CDH13: variants seen among roughly 807,000 people sequenced by gnomAD.
CDH13 encodes cadherin 13, also known as cadherin-13.
Under a neutral mutation model 63.8 loss-of-function variants are expected in CDH13, and 24 were observed. That is an observed-to-expected ratio of 0.38 (90% confidence interval 0.27 to 0.53). The LOEUF (loss-of-function observed/expected upper bound fraction) is 0.53. Ranked by LOEUF, CDH13 falls within the 20% of genes least tolerant of loss-of-function variation. The pLI is 0.85. For synonymous variants in CDH13, 503 were observed against 355.3 expected (o/e 1.42, Z -4.67); for missense variants, 1,049 against 903.1 (o/e 1.16, Z -2.07).
chr16:82,905,439 G>GTT (rs2041612136), intron 2 of CDH13, among the ~76,000 whole-genome samples: 1 of 94,746 alleles, frequency 1.1e-5, no homozygotes, highest in Admixed American at 1.6e-4. Context: ...ACACGTGTGT[G>GTT]TGTGTGTGTG....
At chr16:83,578,348 C>T (rs1399223531) in intron 7 of CDH13, among the ~76,000 whole-genome samples, 7 of 152,136 alleles carry the variant, frequency 4.6e-5, no homozygotes, top group South Asian at 2.1e-4. Context: ...ACAGACCGGG[C>T]GGTCAATCCC....
intron 1 of CDH13, among the ~76,000 whole-genome samples, chr16:82,835,561 C>G (rs919828852): frequency 6.6e-6 from 1 of 152,184 alleles, no homozygotes; most frequent in Non-Finnish European, 1.5e-5. Flanking sequence ...TACCCTTGCT[C>G]AATCATTTCC....
At chr16:82,719,594 C>T in intron 1 of CDH13, 3 of 356,364 alleles carry the variant, frequency 8.4e-6, no homozygotes, top group Middle Eastern at 7.4e-4. Flanking sequence ...GTCTGTAATC[C>T]CAGCACTTTG....
intron 1 of CDH13, among the ~76,000 whole-genome samples, chr16:82,817,447 G>A (rs2037775752): frequency 6.6e-6 from 1 of 152,136 alleles, no homozygotes; most frequent in African/African-American, 2.4e-5. Flanking sequence ...AAATATAACA[G>A]TGACAAAATA....
intron 6 of CDH13, among the ~76,000 whole-genome samples, chr16:83,434,000 A>G (rs970124184): frequency 6.6e-6 from 1 of 152,174 alleles, no homozygotes; most frequent in Non-Finnish European, 1.5e-5. Context: ...CAAGGTTAAT[A>G]TGCAGAACAT....
intron 4 of CDH13, among the ~76,000 whole-genome samples, chr16:83,184,107 C>CAG (rs972229385): frequency 2.0e-5 from 3 of 146,880 alleles, no homozygotes; most frequent in African/African-American, 5.2e-5. Flanking sequence ...CACACACACA[C>CAG]ACACACACAC....
intron 1 of CDH13, among the ~76,000 whole-genome samples, chr16:82,710,552 A>AAAAAAATAT (rs60196638): frequency 1.3e-4 from 8 of 63,768 alleles, no homozygotes; most frequent in South Asian, 4.4e-4. Context: ...AAAAAAAAAA[A>AAAAAAATAT]ATATATATAT....
At chr16:82,882,773 A>G (rs1018492888) in intron 2 of CDH13, among the ~76,000 whole-genome samples, 9 of 152,144 alleles carry the variant, frequency 5.9e-5, no homozygotes, top group African/African-American at 1.9e-4. Flanking sequence ...ATTTATTCAT[A>G]CGCTTGGTAA....
chr16:83,518,903 A>T (rs1307808009), intron 7 of CDH13, among the ~76,000 whole-genome samples: 1 of 152,218 alleles, frequency 6.6e-6, no homozygotes, highest in Non-Finnish European at 1.5e-5. Context: ...ATTCATGCTG[A>T]ACTGTCAATT....
At chr16:83,050,803 C>A (rs2030238813) in intron 3 of CDH13, among the ~76,000 whole-genome samples, 2 of 152,158 alleles carry the variant, frequency 1.3e-5, no homozygotes, top group Admixed American at 1.3e-4. Context: ...TACCTCATTA[C>A]CTCATTACTT....
intron 2 of CDH13, among the ~76,000 whole-genome samples, chr16:83,000,372 G>T (rs1478215735): frequency 6.7e-6 from 1 of 148,336 alleles, no homozygotes; most frequent in Non-Finnish European, 1.5e-5. Context: ...CCTCAGCCTC[G>T]CGAGTAGCTG....
intron 2 of CDH13, among the ~76,000 whole-genome samples, chr16:83,003,408 A>G (rs1175865395): frequency 2.0e-5 from 3 of 151,364 alleles, no homozygotes; most frequent in African/African-American, 4.9e-5. Flanking sequence ...TTAATTTTCT[A>G]TCTCAAAAAT....
chr16:83,073,645 A>G (rs2032614412), intron 3 of CDH13, among the ~76,000 whole-genome samples: 1 of 152,020 alleles, frequency 6.6e-6, no homozygotes, highest in Admixed American at 6.6e-5. Flanking sequence ...ATTGAACTTG[A>G]CGAAACAGAG....
intron 2 of CDH13, among the ~76,000 whole-genome samples, chr16:82,872,789 A>G (rs899432590): frequency 3.3e-5 from 5 of 152,236 alleles, no homozygotes; most frequent in African/African-American, 7.2e-5. Context: ...GAAAAGATGT[A>G]TATTGAGTCC....
At chr16:82,723,087 G>C (rs952196203) in intron 1 of CDH13, 2 of 152,254 alleles carry the variant, frequency 1.3e-5, no homozygotes, top group Non-Finnish European at 2.9e-5. Context: ...AAAGCCACCA[G>C]CACAGACAAA....
chr16:83,622,771 A>G (rs1235235176), intron 8 of CDH13, among the ~76,000 whole-genome samples: 4 of 152,336 alleles, frequency 2.6e-5, no homozygotes, highest in South Asian at 4.1e-4. Context: ...TGCTTCTTCA[A>G]GTTCACCAGT....
At chr16:83,488,056 T>A (rs2073932238) in intron 7 of CDH13, among the ~76,000 whole-genome samples, 1 of 152,224 alleles carries the variant, frequency 6.6e-6, no homozygotes, top group East Asian at 1.9e-4. Context: ...TAGACCTGAA[T>A]TGTCCAGTAG....
At chr16:82,715,986 A>G (rs1433551663) in intron 1 of CDH13, among the ~76,000 whole-genome samples, 7 of 152,100 alleles carry the variant, frequency 4.6e-5, no homozygotes, top group Non-Finnish European at 1.0e-4. Context: ...GGGTGTTGAA[A>G]ACTCAGGAGT....
At chr16:83,575,288 A>G (rs1905004233) in intron 7 of CDH13, among the ~76,000 whole-genome samples, 1 of 152,244 alleles carries the variant, frequency 6.6e-6, no homozygotes, top group Non-Finnish European at 1.5e-5. Context: ...TACACTTTAA[A>G]TAGGTGGATT....
Sources: allele counts gnomAD v4.1 joint callset (sites outside exome capture counted in the v4.1 genomes callset), GRCh38; gene constraint gnomAD v4.1.1; transcripts MANE v1.5; gene names NCBI Gene and HGNC (gene_info 2026-07-23, HGNC 2026-07-21).